Variants in TMEM135 observed in about 807,000 individuals in gnomAD.
TMEM135 encodes peroxisomal membrane protein 52.
A neutral mutation model predicts 60.3 loss-of-function variants in TMEM135; 30 were observed. The observed-to-expected ratio is 0.50, with a 90% CI of 0.37 to 0.68. The LOEUF is 0.68. Among genes scored for constraint, TMEM135 ranks in the 30% least tolerant of loss-of-function variants. The pLI is 0.00. For missense variants in TMEM135, 468 were observed against 548.8 expected (o/e 0.85, Z 1.47); for synonymous variants, 190 against 186.7 (o/e 1.02, Z -0.14).
intron 9 of TMEM135, among the ~76,000 whole-genome samples, chr11:87,308,989 G>C (rs756863892): frequency 6.6e-6 from 1 of 152,162 alleles, no homozygotes; most frequent in Non-Finnish European, 1.5e-5. Context: ...CCCCCTGGAA[G>C]TTCTTCTTAC....
At chr11:87,163,216 T>C (rs1938939709) in intron 5 of TMEM135, among the ~76,000 whole-genome samples, 1 of 123,554 alleles carries the variant, frequency 8.1e-6, no homozygotes, top group African/African-American at 3.1e-5. Context: ...GTCCCCGGAG[T>C]GTGATATTCC....
At chr11:87,129,017 T>G (rs1229706568) in intron 4 of TMEM135, among the ~76,000 whole-genome samples, 1 of 42,502 alleles carries the variant, frequency 2.4e-5, no homozygotes, top group African/African-American at 7.7e-5. Flanking sequence ...TTTTTTTTGT[T>G]TTTTTTTTAA....
chr11:87,181,066 A>G (rs567496699), intron 5 of TMEM135, among the ~76,000 whole-genome samples: 1 of 152,322 alleles, frequency 6.6e-6, no homozygotes, highest in South Asian at 2.1e-4. Flanking sequence ...AGTCAGAGCA[A>G]ACACTTTTGA....
intron 1 of TMEM135, among the ~76,000 whole-genome samples, chr11:87,047,586 C>T (rs1311278246): frequency 9.3e-5 from 11 of 117,870 alleles, no homozygotes; most frequent in Non-Finnish European, 1.5e-4. Flanking sequence ...TCACTCCCAC[C>T]GAATATTGCG....
At chr11:87,161,353 G>A (rs1442865869) in intron 5 of TMEM135, among the ~76,000 whole-genome samples, 1 of 152,132 alleles carries the variant, frequency 6.6e-6, no homozygotes, top group East Asian at 1.9e-4. Flanking sequence ...GAAAGATGTA[G>A]TTCTGTCTTC....
intron 5 of TMEM135, among the ~76,000 whole-genome samples, chr11:87,178,761 T>C (rs372269404): frequency 6.6e-6 from 1 of 151,512 alleles, no homozygotes. Context: ...ATATCAGTAC[T>C]TTTTTTTTCC....
intron 5 of TMEM135, among the ~76,000 whole-genome samples, chr11:87,174,337 C>T (rs547202005): frequency 1.3e-5 from 2 of 152,094 alleles, no homozygotes; most frequent in African/African-American, 4.8e-5. Context: ...TCACTTCTGC[C>T]AATATCCCCA....
intron 4 of TMEM135, among the ~76,000 whole-genome samples, chr11:87,092,715 A>C (rs1187952707): frequency 8.8e-6 from 1 of 113,236 alleles, no homozygotes; most frequent in Non-Finnish European, 1.8e-5. Context: ...TATTTGTTGA[A>C]TTAATGACAA....
At chr11:87,052,887 C>G (rs1949850870) in intron 1 of TMEM135, among the ~76,000 whole-genome samples, 1 of 87,614 alleles carries the variant, frequency 1.1e-5, no homozygotes, top group Admixed American at 1.4e-4. Context: ...CGGCATTATT[C>G]ACAATAGCAA....
chr11:87,199,983 A>G (rs958251398), intron 5 of TMEM135, among the ~76,000 whole-genome samples: 2 of 152,206 alleles, frequency 1.3e-5, no homozygotes, highest in Admixed American at 6.5e-5. Flanking sequence ...GAAATTTGCC[A>G]TTATTAACCT....
Position 87,236,636 on chromosome 11 carries a change from A to G in TMEM135, c.463-2A>G. ...AAGTAATATATTTTCTCTTTGTTAC[A>G]GGTCCTTTTGTTTTGCATCACAGCT... On this transcript the variant is annotated splice_acceptor_variant, in intron 5 of 14. Coordinates refer to ENST00000305494, the MANE Select transcript of TMEM135 (RefSeq NM_022918.4). LOFTEE classifies it high-confidence loss of function. 1 of 1,612,092 alleles carries G rather than the reference A, an allele frequency of 6.2e-7. No individual in the cohort carries two copies. The highest frequency in any genetic ancestry group is 8.5e-7 in the Non-Finnish European group (1 of 1,178,780).
chr11:87,292,271 T>C lies in TMEM135; in HGVS notation c.510-3511T>C, dbSNP rs78900235. 7.1e-3 allele frequency among the ~76,000 whole-genome samples: 1,087 copies of C among 152,344 alleles called. 11 individuals are homozygous for C. Among genetic ancestry groups the C allele is most frequent in the Non-Finnish European group, 0.011 (738 of 68,028 alleles). ...TTTTATTTTGTTTTTTTACCATACC[T>C]GTTATCACTATATGACATATTTACT... On this transcript the variant is annotated intron_variant, in intron 6 of 14. Coordinates refer to ENST00000305494, the MANE Select transcript of TMEM135 (RefSeq NM_022918.4).
intron 4 of TMEM135, among the ~76,000 whole-genome samples, chr11:87,114,250 C>G (rs1857822302): frequency 1.3e-5 from 2 of 152,026 alleles, no homozygotes; most frequent in South Asian, 4.2e-4. Context: ...GAATGCAACA[C>G]AAAGAAATTT....
intron 5 of TMEM135, among the ~76,000 whole-genome samples, chr11:87,217,789 A>G (rs1940534697): frequency 6.6e-6 from 1 of 152,080 alleles, no homozygotes. Context: ...TGTCTCAAAA[A>G]AAAAAAAAGA....
intron 1 of TMEM135, among the ~76,000 whole-genome samples, chr11:87,067,178 T>A (rs1028938703): frequency 6.8e-6 from 1 of 147,190 alleles, no homozygotes. Context: ...TATATATATA[T>A]ACACACACTA....
chr11:87,290,020 T>C (rs116266761), intron 6 of TMEM135, among the ~76,000 whole-genome samples: 2,071 of 147,274 alleles, frequency 0.014, 44 homozygotes, highest in African/African-American at 0.048. Flanking sequence ...TAATCCCCCC[T>C]AGGATGTATA....
chr11:87,206,810 T>A (rs1020219310), intron 5 of TMEM135, among the ~76,000 whole-genome samples: 3 of 152,194 alleles, frequency 2.0e-5, no homozygotes, highest in Admixed American at 6.5e-5. Context: ...GTGCATACAT[T>A]TGATAATTGC....
At chr11:87,174,873 G>T (rs913393636) in intron 5 of TMEM135, among the ~76,000 whole-genome samples, 4 of 152,100 alleles carry the variant, frequency 2.6e-5, no homozygotes, top group African/African-American at 9.7e-5. Context: ...ATTATGTTCA[G>T]ATTTACTGTA....
At chr11:87,091,555 A>T (rs1021979332) in intron 4 of TMEM135, among the ~76,000 whole-genome samples, 160 bp downstream of exon 4, 1 of 152,116 alleles carries the variant, frequency 6.6e-6, no homozygotes, top group African/African-American at 2.4e-5. Context: ...CCTTGATACC[A>T]TCTGGTTTGT....
Sources: gnomAD v4.1 joint callset for allele counts (sites outside exome capture counted in the v4.1 genomes callset) on GRCh38, gnomAD v4.1.1 for gene constraint, MANE v1.5 for transcripts, NCBI Gene and HGNC (gene_info 2026-07-23, HGNC 2026-07-21) for gene names.